Variants in LRP2 observed in about 807,000 individuals in gnomAD.
LRP2 encodes the protein LDL receptor related protein 2, also known as low-density lipoprotein receptor-related protein 2.
Under a neutral mutation model 531.0 loss-of-function variants are expected in LRP2, and 172 were observed. The ratio of observed to expected loss-of-function variants is 0.32; its 90% CI spans 0.29 to 0.37. The LOEUF (loss-of-function observed/expected upper bound fraction) is 0.37. LRP2 is among the 10% of genes least tolerant of loss of function. The probability of loss-of-function intolerance (pLI) is 1.00; values close to 1 mark genes in which losing one functional copy is unlikely to be tolerated. For missense variants in LRP2, 5,167 were observed against 5,868.3 expected (o/e 0.88, Z 3.90); for synonymous variants, 1,992 against 2,027.6 (o/e 0.98, Z 0.47).
At chr2:169,356,681 A>G (rs1257044033) in intron 1 of LRP2, among the ~76,000 whole-genome samples, 2 of 152,224 alleles carry the variant, frequency 1.3e-5, no homozygotes, top group East Asian at 3.8e-4. Context: ...CTGTCAAGAA[A>G]TTACTTCGGA....
chr2:169,192,554 T>A (rs1156747452), intron 47 of LRP2, among the ~76,000 whole-genome samples: 1 of 152,110 alleles, frequency 6.6e-6, no homozygotes, highest in Non-Finnish European at 1.5e-5. Flanking sequence ...AATTTAGTGC[T>A]TTTCCAACTA....
At chr2:169,359,687 G>A (rs1353696439) in intron 1 of LRP2, among the ~76,000 whole-genome samples, 1 of 152,188 alleles carries the variant, frequency 6.6e-6, no homozygotes, top group Admixed American at 6.5e-5. Context: ...TCTGGTCTTA[G>A]AAACCTGAGG....
Position 169,137,378 on chromosome 2 carries a change from G to T in LRP2, c.13620+14C>A, listed in dbSNP as rs142018904. On this transcript the variant is annotated intron_variant, in intron 76 of 78. Transcript: ENST00000649046. ...ACAGCAGTAACTGAAAGAAAAGACT[G>T]TATGGTTTCTCACCTGGATTGGCTG... The T allele has an allele frequency of 1.9e-6, 3 of 1,564,658 alleles. No individual in the cohort carries two copies. The South Asian group carries it at 3.3e-5, about 17-fold the overall frequency.
At chr2:169,295,092 A>G (rs1354267490) in intron 4 of LRP2, among the ~76,000 whole-genome samples, 1 of 152,238 alleles carries the variant, frequency 6.6e-6, no homozygotes, top group East Asian at 1.9e-4. Context: ...CTTTTACATG[A>G]TACAGATAAC....
intron 1 of LRP2, among the ~76,000 whole-genome samples, chr2:169,361,654 T>C (rs1287112456): frequency 6.6e-6 from 1 of 152,032 alleles, no homozygotes; most frequent in Non-Finnish European, 1.5e-5. Context: ...ACTCTGGCCA[T>C]GCAGACGGGC....
rs577116807 is a variant in LRP2, at chr2:169,260,947, T to C, written c.2321-1730A>G. 3.3e-5 allele frequency among the ~76,000 whole-genome samples: 5 copies of C among 151,942 alleles called. 1 individual carries two copies. Among genetic ancestry groups the C allele is most frequent in the African/African-American group, 1.2e-4 (5 of 41,472 alleles). The stretch of plus-strand genomic sequence containing the variant: ...GGAAGAAAGAATATTTGAGAGAAGA[T>C]GGCTGAAGTACCAAATACAGGACTG... On this transcript the variant is annotated intron_variant, in intron 16 of 78. Coordinates refer to ENST00000649046, the MANE Select transcript of LRP2 (RefSeq NM_004525.3).
At chr2:169,223,570 C>T (rs1471740430) in intron 33 of LRP2, among the ~76,000 whole-genome samples, 1 of 152,100 alleles carries the variant, frequency 6.6e-6, no homozygotes, top group East Asian at 1.9e-4. Context: ...ATATTTTCTG[C>T]CACTGTCAAA....
intron 1 of LRP2, among the ~76,000 whole-genome samples, chr2:169,341,019 G>C (rs1371587321): frequency 2.0e-5 from 3 of 152,184 alleles, no homozygotes; most frequent in Admixed American, 6.6e-5. Context: ...TAGAGGAAGA[G>C]ATAAAATACA....
intron 70 of LRP2, among the ~76,000 whole-genome samples, chr2:169,143,645 C>T (rs1685808694): frequency 6.6e-6 from 1 of 152,052 alleles, no homozygotes; most frequent in South Asian, 2.1e-4. Flanking sequence ...GATTCCGTCT[C>T]AAAAACAAAA....
chr2:169,209,665 A>T lies in LRP2; in HGVS notation c.6281-24T>A, dbSNP rs570272011. 11 of 1,609,260 alleles carry T rather than the reference A, an allele frequency of 6.8e-6. No homozygotes were observed. The African/African-American group carries it at 1.1e-4, about 16-fold the overall frequency. On this transcript the variant is annotated intron_variant, in intron 37 of 78. Transcript: ENST00000649046. ...TCCTGGAAGTTAAGAAAAGATCATT[A>T]AAAAATGCTGTCACTGAAATTAGAA...
At chr2:169,248,682 C>T (rs1286500497) in intron 19 of LRP2, among the ~76,000 whole-genome samples, 12 of 123,964 alleles carry the variant, frequency 9.7e-5, no homozygotes, top group Non-Finnish European at 1.7e-4. Context: ...CCAGCGTGAG[C>T]GACGCAGAAG....
rs752719843 is a variant in LRP2 at position 169,185,641 on chromosome 2, C to T, written c.9707G>A (p.Arg3236Gln). The change falls in exon 50 of 79, where the codon CGA becomes CAA. Residue 3236 changes from arginine (R) to glutamine (Q), a missense_variant. Arg to Gln is a conservative substitution (Grantham distance 43). Around this residue, in one of 6 missense-constraint regions of LRP2, gnomAD observed 1,129 missense variants for 1,362.7 expected, o/e 0.83. Coordinates refer to ENST00000649046, the MANE Select transcript of LRP2 (RefSeq NM_004525.3). The part of the protein sequence containing the change: ...LDNVVALDFD[R>Q]VEKRLYWIDT... Reference sequence around the variant, plus strand: ...AATCCAATACAATCTCTTCTCTACTCGGTCAAAATCTAATGCCACAACATT... The same window carrying T: ...AATCCAATACAATCTCTTCTCTACTTGGTCAAAATCTAATGCCACAACATT... 1.2e-5 allele frequency: 19 copies of T among 1,614,162 alleles called. No homozygotes were observed. Among genetic ancestry groups the T allele is most frequent in the South Asian group, 6.6e-5 (6 of 91,076 alleles).
intron 67 of LRP2, 64 bp downstream of exon 67, chr2:169,152,735 G>T: frequency 6.4e-7 from 1 of 1,569,206 alleles, no homozygotes; most frequent in South Asian, 1.1e-5. Flanking sequence ...GGCCCATGGA[G>T]TGCAGTAGAG....
At chr2:169,212,802 T>A (rs936838066) in intron 36 of LRP2, among the ~76,000 whole-genome samples, 4 of 151,810 alleles carry the variant, frequency 2.6e-5, no homozygotes, top group African/African-American at 9.7e-5. Context: ...GATAAAAGAC[T>A]ACAAATAGGG....
At chr2:169,203,079 A>G in intron 42 of LRP2, 120 bp from the exon 43 acceptor site, 1 of 798,598 alleles carries the variant, frequency 1.3e-6, no homozygotes, top group Non-Finnish European at 2.1e-6. Context: ...AGCGCCATGG[A>G]AGTTCTGCCC....
intron 71 of LRP2, 139 bp from the exon 72 acceptor site, chr2:169,140,684 C>T: frequency 4.6e-6 from 3 of 648,438 alleles, no homozygotes; most frequent in Non-Finnish European, 5.6e-6. Flanking sequence ...TACCTTCCCC[C>T]TAAGTCCAGT....
At chr2:169,175,838 A>G (rs1687172115) in intron 54 of LRP2, among the ~76,000 whole-genome samples, 1 of 152,178 alleles carries the variant, frequency 6.6e-6, no homozygotes, top group Admixed American at 6.5e-5. Context: ...TTTAATCACT[A>G]CAATCGTCTA....
intron 70 of LRP2, among the ~76,000 whole-genome samples, chr2:169,145,286 G>A (rs925122480): frequency 2.0e-5 from 3 of 152,192 alleles, no homozygotes; most frequent in Non-Finnish European, 2.9e-5. Flanking sequence ...AGAGGGGAGC[G>A]GGTAGGAATG....
rs1007118978 is a variant in LRP2, at chr2:169,290,264, C to G, written c.922+581G>C. On this transcript the variant is annotated intron_variant, in intron 8 of 78. Transcript: ENST00000649046. ...AGGTACATAACCCAGGAACCAGAAG[C>G]TTTTTTTTTTTTTTTTTTTTTTTTT... Among the ~76,000 whole-genome samples, 6 of 56,950 alleles carry G rather than the reference C, an allele frequency of 1.1e-4. No individual in the cohort carries two copies. In the Admixed American group the frequency reaches 1.2e-3, roughly 11 times the overall value. The allele number at this position is 56,950 out of a possible 152,430, so 37.4% of individuals were successfully genotyped here.
Sources: allele counts gnomAD v4.1 joint callset (sites outside exome capture counted in the v4.1 genomes callset), GRCh38; gene constraint gnomAD v4.1.1; regional missense constraint gnomAD v4.1.1; transcripts MANE v1.5; gene names NCBI Gene and HGNC (gene_info 2026-07-23, HGNC 2026-07-21).